Variants in GSTA4 observed in about 807,000 individuals in gnomAD.
GSTA4 encodes glutathione S-transferase A4.
In GSTA4, 15 loss-of-function variants were observed where a neutral mutation model predicts 24.4. The ratio of observed to expected loss-of-function variants is 0.61; its 90% CI spans 0.41 to 0.95. GSTA4 has a LOEUF of 0.95. Among genes scored for constraint, GSTA4 ranks in the 40% least tolerant of loss-of-function variants. The probability of loss-of-function intolerance (pLI) is 0.00; values close to 1 mark genes in which losing one functional copy is unlikely to be tolerated. For synonymous variants in GSTA4, 92 were observed against 94.2 expected (o/e 0.98, Z 0.13); for missense variants, 244 against 262.1 (o/e 0.93, Z 0.48).
intron 2 of GSTA4, among the ~76,000 whole-genome samples, chr6:52,992,899 A>G (rs6911850): frequency 0.21 from 32,604 of 152,014 alleles, 4,408 homozygotes; most frequent in African/African-American, 0.37. Context: ...TCTGGAGCTC[A>G]AGATCAGCCT....
In GSTA4 at chr6:52,994,237, C is replaced by T. The variant is rs752435953; in HGVS notation, c.7G>A (p.Ala3Thr). The stretch of plus-strand genomic sequence containing the variant: ...TTGGGATAGTGGAGCTTGGGCCTTG[C>T]TGCCATGATAGCTTTTCAGGCTTTC... MA[A>T]RPKLHYPNGR... The change falls in exon 2 of 7, where the codon GCA becomes ACA. Residue 3 changes from alanine (A) to threonine (T), a missense_variant. Transcript: ENST00000370963. 49 of 1,609,732 alleles carry T rather than the reference C, an allele frequency of 3.0e-5. No homozygotes were observed. Among genetic ancestry groups the T allele is most frequent in the Admixed American group, 2.0e-4 (12 of 59,966 alleles).
chr6:52,983,601 T>C (rs1245086230), intron 5 of GSTA4, among the ~76,000 whole-genome samples: 1 of 152,222 alleles, frequency 6.6e-6, no homozygotes, highest in South Asian at 2.1e-4. Flanking sequence ...CATTTCATTA[T>C]GTGTAAAAGG....
At chr6:52,983,140 A>T (rs567403719) in intron 5 of GSTA4, among the ~76,000 whole-genome samples, 1 of 152,288 alleles carries the variant, frequency 6.6e-6, no homozygotes, top group Admixed American at 6.5e-5. Flanking sequence ...ATCATCTTCA[A>T]GGGGCCCACT....
Position 52,978,411 on chromosome 6 carries a change from T to C in GSTA4, c.*59A>G. 3 of 1,559,708 alleles carry C rather than the reference T, an allele frequency of 1.9e-6. No homozygotes were observed. The highest frequency in any genetic ancestry group is 3.5e-5 in the Admixed American group (2 of 56,956). ...GACAGAGCTGGGATCCATTAAGACA[T>C]GACTGTAGACAATACCATCTCTAGG... On this transcript the variant is annotated 3_prime_UTR_variant, in exon 7 of 7. Coordinates refer to ENST00000370963, the MANE Select transcript of GSTA4 (RefSeq NM_001512.4).
At chr6:52,980,083 G>C (rs1359060191) in intron 6 of GSTA4, among the ~76,000 whole-genome samples, 3 of 152,114 alleles carry the variant, frequency 2.0e-5, no homozygotes, top group African/African-American at 7.2e-5. Context: ...TATTTACGCA[G>C]ATAATGCTTG....
At position 52,985,312 on chromosome 6, in the gene GSTA4, G is replaced by A. The variant is rs1231596190; in HGVS notation, c.272+139C>T. On this transcript the variant is annotated intron_variant, in intron 4 of 6. Coordinates refer to ENST00000370963, the MANE Select transcript of GSTA4 (RefSeq NM_001512.4). Reference sequence around the variant, plus strand: ...TCTACTGAAGTTCCAACTGGTCTTCGTGACCTTCTTGGGTTTTTGTTCCCT... The same window carrying A: ...TCTACTGAAGTTCCAACTGGTCTTCATGACCTTCTTGGGTTTTTGTTCCCT... The A allele has an allele frequency of 5.8e-5, 38 of 658,978 alleles. No homozygotes were observed. In the East Asian group the frequency reaches 6.5e-4, roughly 11 times the overall value. The allele number at this position is 658,978 out of a possible 1,614,324, so 40.8% of individuals were successfully genotyped here.
Position 52,984,464 on chromosome 6 carries a change from CT to C in GSTA4, c.413del (p.Lys138ArgfsTer3). The C allele has an allele frequency of 1.2e-6, 2 of 1,610,924 alleles. No homozygotes were observed. Among genetic ancestry groups the C allele is most frequent in the South Asian group, 1.1e-5 (1 of 90,262 alleles). ...GTATGTAGGCATCTCTGCCACCTAC[CT>C]TTTCAAACACAGGAAAGTATCTAAT... The part of the protein sequence containing the change: ...AIIRYFPVFE[K>X]ILRGHGQSFL... On this transcript the variant is annotated frameshift_variant and splice_region_variant, in exon 5 of 7. Coordinates refer to ENST00000370963, the MANE Select transcript of GSTA4 (RefSeq NM_001512.4). LOFTEE classifies it high-confidence loss of function.
At position 52,985,522 on chromosome 6, in the gene GSTA4, C is replaced by T. The variant is rs1763534985; in HGVS notation, c.201G>A (p.Gln67=). The T allele has an allele frequency of 2.5e-6, 4 of 1,613,984 alleles. No homozygotes were observed. In the South Asian group the frequency reaches 4.4e-5, roughly 18 times the overall value. Residue 67 remains glutamine (Q), a synonymous_variant, in exon 4 of 7, where the codon CAG becomes CAA. Transcript: ENST00000370963. ...CTATGTAGTGGAGAATGCTTCGGGT[C>T]TGTACCAACTTCATCCCGTCAATTT... ...MVEIDGMKLV[Q]TRSILHYIAD...
At position 52,979,833 on chromosome 6, in the gene GSTA4, G is replaced by A. The variant is rs548503694; in HGVS notation, c.547-1241C>T. Among the ~76,000 whole-genome samples the A allele has an allele frequency of 2.0e-4, 30 of 152,144 alleles. 1 individual carries two copies. The highest frequency in any genetic ancestry group is 7.2e-4 in the African/African-American group (30 of 41,512). On this transcript the variant is annotated intron_variant, in intron 6 of 6. Coordinates refer to ENST00000370963, the MANE Select transcript of GSTA4 (RefSeq NM_001512.4). ...TATGACAATTTTCTCTTTTCATTACGTACTTAAGCTCTACTTGTATGATTT... is the reference window on the plus strand; with the variant it reads ...TATGACAATTTTCTCTTTTCATTACATACTTAAGCTCTACTTGTATGATTT...
chr6:52,981,731 CT>C (rs1430000888), intron 6 of GSTA4, among the ~76,000 whole-genome samples: 1 of 152,174 alleles, frequency 6.6e-6, no homozygotes, highest in African/African-American at 2.4e-5. Context: ...CTAGATAAAA[CT>C]CAAGCATCCA....
At chr6:52,989,389 G>T (rs150868669) in intron 2 of GSTA4, among the ~76,000 whole-genome samples, 2 of 152,126 alleles carry the variant, frequency 1.3e-5, no homozygotes, top group Admixed American at 6.5e-5. Context: ...AAGAACCCTC[G>T]GTTGGGGTCT....
chr6:52,994,683 A>C (rs1763734010), intron 1 of GSTA4, among the ~76,000 whole-genome samples: 1 of 152,198 alleles, frequency 6.6e-6, no homozygotes, highest in African/African-American at 2.4e-5. Context: ...TCAAGTATTC[A>C]TGCTTTTACA....
chr6:52,992,898 C>T (rs567970109), intron 2 of GSTA4, among the ~76,000 whole-genome samples: 23 of 152,250 alleles, frequency 1.5e-4, no homozygotes, highest in African/African-American at 5.5e-4. Context: ...GTCTGGAGCT[C>T]AAGATCAGCC....
At chr6:52,979,285 A>T (rs1437248393) in intron 6 of GSTA4, among the ~76,000 whole-genome samples, 1 of 152,206 alleles carries the variant, frequency 6.6e-6, no homozygotes, top group East Asian at 1.9e-4. Context: ...GCTGGGAGAA[A>T]ATGCATGAGC....
intron 4 of GSTA4, 94 bp from the exon 5 acceptor site, chr6:52,984,699 T>TTTA: frequency 2.0e-6 from 2 of 995,036 alleles, no homozygotes; most frequent in Non-Finnish European, 1.5e-6. Flanking sequence ...TTTTTTTTTT[T>TTTA]AAAGATGCTG....
intron 2 of GSTA4, among the ~76,000 whole-genome samples, chr6:52,988,229 A>C (rs888817504): frequency 1.3e-5 from 2 of 152,196 alleles, no homozygotes; most frequent in Non-Finnish European, 2.9e-5. Flanking sequence ...AATGATGTCA[A>C]TTATGGATTA....
chr6:52,987,559 A>G (rs1763586793), intron 2 of GSTA4, 151 bp from the exon 3 acceptor site: 4 of 557,796 alleles, frequency 7.2e-6, no homozygotes, highest in South Asian at 2.3e-5. Context: ...CAAAGACTGC[A>G]TGTTCTGATT....
chr6:52,986,042 A>AG (rs1763549508), intron 3 of GSTA4, among the ~76,000 whole-genome samples: 1 of 151,350 alleles, frequency 6.6e-6, no homozygotes, highest in Non-Finnish European at 1.5e-5. Flanking sequence ...GCAAGACTCT[A>AG]CCTCGAAAAA....
rs1192038977 is a variant in GSTA4, at chr6:52,978,054, TG to T, written c.*415del. 1 of 158,998 alleles carries T rather than the reference TG, an allele frequency of 6.3e-6. No individual in the cohort carries two copies. Among genetic ancestry groups the T allele is most frequent in the Non-Finnish European group, 1.4e-5 (1 of 73,250 alleles). The allele number at this position is 158,998 out of a possible 1,614,324, so 9.8% of individuals were successfully genotyped here. A position where few individuals can be genotyped will look rare whatever the true frequency, so the allele number is the denominator to read the frequency against. On this transcript the variant is annotated 3_prime_UTR_variant, in exon 7 of 7. Coordinates refer to ENST00000370963, the MANE Select transcript of GSTA4 (RefSeq NM_001512.4). ...GAGAGTCATTTACTAGACATTCGGT[TG>T]TTATTAAACACTAAAAATTAGGCAG... is the stretch of plus-strand genomic sequence containing the variant.
Sources: gnomAD v4.1 joint callset for allele counts (sites outside exome capture counted in the v4.1 genomes callset) on GRCh38, gnomAD v4.1.1 for gene constraint, MANE v1.5 for transcripts, NCBI Gene and HGNC (gene_info 2026-07-23, HGNC 2026-07-21) for gene names.